Variants in PCDHGA2 observed in about 807,000 individuals in gnomAD.
PCDHGA2 encodes the protein protocadherin gamma-A2.
PCDHGA2 carries 40 observed loss-of-function variants against 59.2 expected under a neutral mutation model. That is an observed-to-expected ratio of 0.68 (90% confidence interval 0.52 to 0.88). The LOEUF is 0.88. PCDHGA2 is among the 40% of genes least tolerant of loss of function. The pLI, the probability that PCDHGA2 is intolerant of heterozygous loss-of-function variation, is 0.00. For synonymous variants in PCDHGA2, 560 were observed against 526.0 expected, an observed-to-expected ratio of 1.06 and a Z score of -0.89; for missense variants, 1,226 against 1,204.0, an observed-to-expected ratio of 1.02 and a Z score of -0.27.
intron 1 of PCDHGA2, chr5:141,478,551 G>A (rs759604162): frequency 6.2e-6 from 10 of 1,603,054 alleles, no homozygotes; most frequent in South Asian, 3.3e-5. Context: ...GGACAGGTAA[G>A]GTTTAGCAAG....
Position 141,339,785 on chromosome 5 carries a change from G to T in PCDHGA2, c.814G>T (p.Gly272Cys). Residue 272 changes from glycine (G) to cysteine (C), a missense_variant, in exon 1 of 4, where the codon GGC becomes TGC. By Grantham distance (159) the Gly-to-Cys change is radical (BLOSUM62 -3). Coordinates refer to ENST00000394576, the MANE Select transcript of PCDHGA2 (RefSeq NM_018915.4). ...GGTGACCGCCACTGACGCAGATGAG[G>T]GCTACTACGCTCAAGTGGTATATTT... is the stretch of plus-strand genomic sequence containing the variant. ...LTVTATDADE[G>C]YYAQVVYFLE... The T allele has an allele frequency of 6.2e-7, 1 of 1,614,206 alleles. No homozygotes were observed. The highest frequency in any genetic ancestry group is 1.7e-5 in the Admixed American group (1 of 60,028).
chr5:141,372,084 T>C (rs1169556358), intron 1 of PCDHGA2: 1 of 1,613,714 alleles, frequency 6.2e-7, no homozygotes, highest in South Asian at 1.1e-5. Flanking sequence ...GCTGGTGCTG[T>C]ACCCAGCTCT....
In PCDHGA2 at chr5:141,351,778, G is replaced by C. The variant is rs181453842; in HGVS notation, c.2424+10383G>C. On this transcript the variant is annotated intron_variant, in intron 1 of 3. Coordinates refer to ENST00000394576, the MANE Select transcript of PCDHGA2 (RefSeq NM_018915.4). ...TGTCCTACGTGTCCGTGAGCCCGCA[G>C]AGCGGGGTGGTGTTCGCGCAGCGCG... 294 of 1,613,470 alleles carry C rather than the reference G, an allele frequency of 1.8e-4. No homozygotes were observed. The highest frequency in any genetic ancestry group is 2.5e-4 in the Non-Finnish European group (290 of 1,179,900).
rs773389466 is a variant in PCDHGA2, at chr5:141,388,420, C to T, written c.2424+47025C>T. The T allele has an allele frequency of 3.1e-6, 5 of 1,613,778 alleles. No homozygotes were observed. The South Asian group carries it at 4.4e-5, about 14-fold the overall frequency. ...CAACTCAGTCCCAGTGATCATTTCT[C>T]ACTGATAAATAAAGAGAAATCAGAT... On this transcript the variant is annotated intron_variant, in intron 1 of 3. Coordinates refer to ENST00000394576, the MANE Select transcript of PCDHGA2 (RefSeq NM_018915.4).
In PCDHGA2 at chr5:141,339,986, G is replaced by T; in HGVS notation, c.1015G>T (p.Asp339Tyr). ...TRAKVIVTVLDVNDNAPEFYM... is the reference protein window; with the variant it reads ...TRAKVIVTVLYVNDNAPEFYM... ...AGCGAAGGTTATCGTCACGGTTCTG[G>T]ATGTGAATGACAATGCCCCAGAATT... Residue 339 changes from aspartate (D) to tyrosine (Y), a missense_variant, in exon 1 of 4, where the codon GAT becomes TAT. Coordinates refer to ENST00000394576, the MANE Select transcript of PCDHGA2 (RefSeq NM_018915.4). 5 of 1,614,136 alleles carry T rather than the reference G, an allele frequency of 3.1e-6. No homozygotes were observed. The highest frequency in any genetic ancestry group is 3.4e-6 in the Non-Finnish European group (4 of 1,179,992).
chr5:141,346,056 C>G lies in PCDHGA2; in HGVS notation c.2424+4661C>G, dbSNP rs1216486405. The G allele has an allele frequency of 6.2e-7, 1 of 1,613,492 alleles. No individual in the cohort carries two copies. The highest frequency in any genetic ancestry group is 8.5e-7 in the Non-Finnish European group (1 of 1,179,852). ...CAGGATCCCCGACATCCTGGCCGAC[C>G]TGGGCAGCCTCGAGCCCTCCGCCAA... On this transcript the variant is annotated intron_variant, in intron 1 of 3. Coordinates refer to ENST00000394576, the MANE Select transcript of PCDHGA2 (RefSeq NM_018915.4).
intron 1 of PCDHGA2, chr5:141,377,075 T>A (rs552169121): frequency 6.6e-6 from 1 of 152,554 alleles, no homozygotes; most frequent in South Asian, 2.1e-4. Flanking sequence ...GAGAGTCACA[T>A]AATTCTAATG....
At chr5:141,370,767 G>T (rs749108869) in intron 1 of PCDHGA2, 12 of 1,613,966 alleles carry the variant, frequency 7.4e-6, no homozygotes, top group Non-Finnish European at 1.0e-5. Context: ...GCTGATCCAG[G>T]ATATTAACGA....
intron 1 of PCDHGA2, chr5:141,388,940 C>T: frequency 6.2e-7 from 1 of 1,613,966 alleles, no homozygotes; most frequent in South Asian, 1.1e-5. Context: ...CTCTACCCAA[C>T]CTAATTATGG....
chr5:141,380,771 A>G (rs1337028514), intron 1 of PCDHGA2, among the ~76,000 whole-genome samples: 1 of 152,198 alleles, frequency 6.6e-6, no homozygotes, highest in Non-Finnish European at 1.5e-5. Context: ...ATTAATTGAG[A>G]CTTTTTTAAA....
chr5:141,487,491 C>A lies in PCDHGA2; in HGVS notation c.2425-7316C>A. On this transcript the variant is annotated intron_variant, in intron 1 of 3. Transcript: ENST00000394576. This position sits in a 1 kb window ranked among gnomAD's most constrained non-coding sequence, Gnocchi z 5.0. The stretch of plus-strand genomic sequence containing the variant: ...GTGGGAGGCCACTCTCATGGCTGTA[C>A]ACCCTTGGCTTCTGCACCCACTCGG... The A allele has an allele frequency of 6.2e-7, 1 of 1,614,204 alleles. No individual in the cohort carries two copies. The highest frequency in any genetic ancestry group is 8.5e-7 in the Non-Finnish European group (1 of 1,180,034).
chr5:141,353,795 T>C (rs1759386417), intron 1 of PCDHGA2, among the ~76,000 whole-genome samples: 1 of 152,218 alleles, frequency 6.6e-6, no homozygotes. Flanking sequence ...TTTCCAAACA[T>C]CTTATTTCAC....
chr5:141,490,232 A>G lies in PCDHGA2; in HGVS notation c.2425-4575A>G. 6.2e-7 allele frequency: 1 copy of G among 1,614,216 alleles called. No homozygotes were observed. Among genetic ancestry groups the G allele is most frequent in the Non-Finnish European group, 8.5e-7 (1 of 1,180,032 alleles). ...CGTGACCAGGGACAGCCTGCCATGG[A>G]GGGCCACTGTGTGATTCAAGTGGAT... On this transcript the variant is annotated intron_variant, in intron 1 of 3. Transcript: ENST00000394576. This position sits in a 1 kb window ranked among gnomAD's most constrained non-coding sequence, Gnocchi z 5.4.
intron 1 of PCDHGA2, chr5:141,357,127 G>C: frequency 1.2e-6 from 2 of 1,613,566 alleles, no homozygotes; most frequent in Non-Finnish European, 1.7e-6. Context: ...GCAGAGGCTT[G>C]TAGTGGTCGT....
intron 1 of PCDHGA2, chr5:141,413,180 C>T: frequency 6.2e-7 from 1 of 1,602,612 alleles, no homozygotes; most frequent in Non-Finnish European, 8.5e-7. Flanking sequence ...ACTACAATGG[C>T]CGCTCAAAGG....
At chr5:141,405,352 T>C (rs747137239) in intron 1 of PCDHGA2, 12 of 1,614,170 alleles carry the variant, frequency 7.4e-6, no homozygotes, top group Middle Eastern at 1.6e-4. Flanking sequence ...CCAAGTTTCC[T>C]ATAGAAGACA....
chr5:141,488,837 C>A (rs550655328), intron 1 of PCDHGA2, among the ~76,000 whole-genome samples: 1 of 152,280 alleles, frequency 6.6e-6, no homozygotes, highest in African/African-American at 2.4e-5. Context: ...GCCAAGGGGG[C>A]TGAATCAACC....
At chr5:141,375,144 G>A (rs747224962) in intron 1 of PCDHGA2, 3 of 1,613,936 alleles carry the variant, frequency 1.9e-6, no homozygotes, top group Non-Finnish European at 2.5e-6. Flanking sequence ...TCTGGAAGCA[G>A]AACAATTGCT....
chr5:141,360,291 G>A (rs1221790863), intron 1 of PCDHGA2: 2 of 1,613,874 alleles, frequency 1.2e-6, no homozygotes, highest in African/African-American at 2.7e-5. Context: ...ACCTCGCCAA[G>A]GATCTGGGGC....
Sources: gnomAD v4.1 joint callset for allele counts (sites outside exome capture counted in the v4.1 genomes callset) on GRCh38, gnomAD v4.1.1 for gene constraint, Gnocchi (gnomAD v3.1) non-coding constraint, MANE v1.5 for transcripts, NCBI Gene and HGNC (gene_info 2026-07-23, HGNC 2026-07-21) for gene names.